The following SLC25A21 variants were observed in gnomAD, a reference collection of about 807,000 sequenced individuals.
The protein encoded by SLC25A21 is mitochondrial 2-oxodicarboxylate carrier.
A neutral mutation model predicts 43.8 loss-of-function variants in SLC25A21; 47 were observed. The observed-to-expected ratio is 1.07, with a 90% CI of 0.85 to 1.37. The LOEUF is 1.37. Ranked by LOEUF, SLC25A21 falls within the 40% of genes most tolerant of loss-of-function variation. The pLI, the probability that SLC25A21 is intolerant of heterozygous loss-of-function variation, is 0.00. For missense variants in SLC25A21, 352 were observed against 350.2 expected (o/e 1.00, Z -0.04); for synonymous variants, 131 against 121.3 (o/e 1.08, Z -0.52).
rs1594523461 is a variant in SLC25A21 at position 36,723,009 on chromosome 14, G to A, written c.438+2561C>T. Among the ~76,000 whole-genome samples, 3 of 152,244 alleles carry A rather than the reference G, an allele frequency of 2.0e-5. No homozygotes were observed. In the South Asian group the frequency reaches 6.2e-4, roughly 32 times the overall value. ...TATTCCTGGCCATACACATGCCGAG[G>A]TGAGCATACCTAATATTTGAGTTAA... On this transcript the variant is annotated intron_variant, in intron 6 of 9. Coordinates refer to ENST00000331299, the MANE Select transcript of SLC25A21 (RefSeq NM_030631.4).
intron 1 of SLC25A21, among the ~76,000 whole-genome samples, chr14:36,896,794 C>G (rs373092251): frequency 1.3e-4 from 20 of 152,184 alleles, no homozygotes; most frequent in African/African-American, 4.3e-4. Context: ...TCCTTCACTT[C>G]TGAAGCTTAG....
intron 7 of SLC25A21, among the ~76,000 whole-genome samples, chr14:36,710,916 G>GT (rs1364112136): frequency 6.6e-6 from 1 of 152,088 alleles, no homozygotes; most frequent in East Asian, 1.9e-4. Flanking sequence ...GAGTTCAAAA[G>GT]TTTTTTAAAA....
intron 1 of SLC25A21, among the ~76,000 whole-genome samples, chr14:36,932,486 T>C (rs191127902): frequency 6.6e-6 from 1 of 152,258 alleles, no homozygotes; most frequent in Admixed American, 6.5e-5. Context: ...AATGAGGTGT[T>C]TTCATTTGTT....
chr14:36,701,002 T>A (rs1329945032), intron 7 of SLC25A21, among the ~76,000 whole-genome samples: 3 of 152,184 alleles, frequency 2.0e-5, no homozygotes, highest in African/African-American at 4.8e-5. Flanking sequence ...GCCTTTTTTT[T>A]AAGAGGAAAT....
intron 2 of SLC25A21, among the ~76,000 whole-genome samples, chr14:36,868,701 A>T (rs951837022): frequency 2.0e-5 from 3 of 152,208 alleles, no homozygotes; most frequent in Non-Finnish European, 4.4e-5. Flanking sequence ...AAACGACAGT[A>T]TGTCAGTCCC....
At chr14:36,896,675 A>G (rs1891248683) in intron 1 of SLC25A21, among the ~76,000 whole-genome samples, 1 of 151,954 alleles carries the variant, frequency 6.6e-6, no homozygotes, top group African/African-American at 2.4e-5. Flanking sequence ...AGTGGCTGGT[A>G]CCGGTTGTTC....
chr14:37,150,091 T>C (rs1963733139), intron 1 of SLC25A21, among the ~76,000 whole-genome samples: 1 of 152,194 alleles, frequency 6.6e-6, no homozygotes, highest in Non-Finnish European at 1.5e-5. Context: ...TTTCTTATGT[T>C]AAAGGCCACT....
At chr14:36,765,308 T>C (rs1886372661) in intron 3 of SLC25A21, among the ~76,000 whole-genome samples, 1 of 152,128 alleles carries the variant, frequency 6.6e-6, no homozygotes, top group South Asian at 2.1e-4. Context: ...AGAGACCACA[T>C]TGGAAGTGAT....
At chr14:36,851,815 G>C (rs1402193554) in intron 2 of SLC25A21, among the ~76,000 whole-genome samples, 1 of 152,116 alleles carries the variant, frequency 6.6e-6, no homozygotes, top group Non-Finnish European at 1.5e-5. Context: ...AGAACCCTAT[G>C]AAAGGTTGCT....
intron 2 of SLC25A21, among the ~76,000 whole-genome samples, chr14:36,822,323 T>C (rs2138463140): frequency 6.6e-6 from 1 of 152,360 alleles, no homozygotes; most frequent in Admixed American, 6.5e-5. Context: ...CTCATACATA[T>C]TTGGCTGCTT....
chr14:36,928,350 T>A (rs911709560), intron 1 of SLC25A21, among the ~76,000 whole-genome samples: 2 of 152,200 alleles, frequency 1.3e-5, no homozygotes, highest in African/African-American at 4.8e-5. Context: ...TTAAATAAAA[T>A]GTGGTTAATT....
chr14:36,987,543 C>G (rs953556566), intron 1 of SLC25A21, among the ~76,000 whole-genome samples: 1 of 152,122 alleles, frequency 6.6e-6, no homozygotes, highest in African/African-American at 2.4e-5. Context: ...TCATACCGTA[C>G]AGTTCTGTAT....
intron 1 of SLC25A21, among the ~76,000 whole-genome samples, chr14:36,928,158 C>CTCATTATAACATCAAGTTGATA (rs1892184565): frequency 6.6e-6 from 1 of 152,104 alleles, no homozygotes; most frequent in South Asian, 2.1e-4. Flanking sequence ...TATAGTCTGG[C>CTCATTATAACATCAAGTTGATA]TCATTATAAC....
At chr14:37,052,188 C>T (rs1051427860) in intron 1 of SLC25A21, among the ~76,000 whole-genome samples, 4 of 152,130 alleles carry the variant, frequency 2.6e-5, no homozygotes, top group African/African-American at 7.2e-5. Context: ...AAGTACAGTT[C>T]TCTTAAAGCA....
chr14:36,838,373 G>A (rs181049142), intron 2 of SLC25A21, among the ~76,000 whole-genome samples: 153 of 152,338 alleles, frequency 1.0e-3, no homozygotes, highest in Middle Eastern at 3.4e-3. Context: ...CAGCTACCTA[G>A]TCCTATTGGG....
chr14:36,921,965 T>A (rs1297958635), intron 1 of SLC25A21, among the ~76,000 whole-genome samples: 1 of 151,688 alleles, frequency 6.6e-6, no homozygotes, highest in Non-Finnish European at 1.5e-5. Context: ...GCCAACATGG[T>A]GAAACCCCAT....
chr14:36,967,858 G>T (rs1294945706), intron 1 of SLC25A21, among the ~76,000 whole-genome samples: 1 of 152,136 alleles, frequency 6.6e-6, no homozygotes, highest in African/African-American at 2.4e-5. Flanking sequence ...GTCTGTGTGT[G>T]TGCGTGTGGG....
At chr14:37,036,171 T>G (rs1486956916) in intron 1 of SLC25A21, among the ~76,000 whole-genome samples, 1 of 152,134 alleles carries the variant, frequency 6.6e-6, no homozygotes, top group Non-Finnish European at 1.5e-5. Flanking sequence ...GCCAAACATC[T>G]TCCAACCAAC....
intron 2 of SLC25A21, among the ~76,000 whole-genome samples, chr14:36,849,608 C>T (rs1180440777): frequency 1.3e-5 from 2 of 152,142 alleles, no homozygotes; most frequent in Non-Finnish European, 2.9e-5. Context: ...GTCTATCAGA[C>T]ACAAAATGCT....
Sources: gnomAD v4.1 joint callset for allele counts (sites outside exome capture counted in the v4.1 genomes callset) on GRCh38, gnomAD v4.1.1 for gene constraint, MANE v1.5 for transcripts, NCBI Gene and HGNC (gene_info 2026-07-23, HGNC 2026-07-21) for gene names.